The following SLC25A46 variants were observed in gnomAD, a reference collection of about 807,000 sequenced individuals.
The protein encoded by SLC25A46 is mitochondrial outer membrane protein SLC25A46.
In SLC25A46, 39 loss-of-function variants were observed where a neutral mutation model predicts 44.6. That is an observed-to-expected ratio of 0.87 (90% CI 0.68 to 1.14). The LOEUF (loss-of-function observed/expected upper bound fraction) is 1.14. SLC25A46 is among the 50% of genes most tolerant of loss of function. The pLI, the probability that SLC25A46 is intolerant of heterozygous loss-of-function variation, is 0.00. For missense variants in SLC25A46, 547 were observed against 522.7 expected (o/e 1.05, Z -0.45); for synonymous variants, 202 against 185.8 (o/e 1.09, Z -0.71).
chr5:110,752,749 T>C (rs1175978309), intron 5 of SLC25A46, among the ~76,000 whole-genome samples: 2 of 152,214 alleles, frequency 1.3e-5, no homozygotes, highest in African/African-American at 4.8e-5. Context: ...TTTTCAGATC[T>C]TTTATCATAT....
In SLC25A46 at chr5:110,739,380, C is replaced by T. The variant is rs955762085; in HGVS notation, c.261C>T (p.Gly87=). 1.3e-6 allele frequency: 2 copies of T among 1,548,898 alleles called. No homozygotes were observed. Among genetic ancestry groups the T allele is most frequent in the African/African-American group, 1.4e-5 (1 of 73,784 alleles). Reference sequence around the variant, plus strand: ...AACCCTTTTCCAGTGGCGGCGGCGGCAGTGTGCAGGGGCAGAGCAGTGGTG... The same window carrying T: ...AACCCTTTTCCAGTGGCGGCGGCGGTAGTGTGCAGGGGCAGAGCAGTGGTG... The part of the protein sequence containing the change: ...TEEPFSSGGG[G]SVQGQSSEQL... The change falls in exon 1 of 8, where the codon GGC becomes GGT. Residue 87 remains glycine (G), a synonymous_variant. Transcript: ENST00000355943.
rs754919308 is a variant in SLC25A46, at chr5:110,764,012, T to C, written c.*2230T>C. ...TCGTTCCCTTTTAAAAATTGTTATT[T>C]TTCTTTAACATGGGTGCCAAATCAA... On this transcript the variant is annotated 3_prime_UTR_variant, in exon 8 of 8. Transcript: ENST00000355943. 8 of 151,828 alleles carry C rather than the reference T, an allele frequency of 5.3e-5. No homozygotes were observed. Among genetic ancestry groups the C allele is most frequent in the Non-Finnish European group, 1.0e-4 (7 of 67,840 alleles). The allele number at this position is 151,828 out of a possible 1,614,324, so 9.4% of individuals were successfully genotyped here.
At position 110,763,707 on chromosome 5, in the gene SLC25A46, A is replaced by C. The variant is rs1001259232; in HGVS notation, c.*1925A>C. The C allele has an allele frequency of 6.6e-6, 1 of 151,914 alleles. No homozygotes were observed. Among genetic ancestry groups the C allele is most frequent in the Non-Finnish European group, 1.5e-5 (1 of 67,878 alleles). The allele number at this position is 151,914 out of a possible 1,614,324, so 9.4% of individuals were successfully genotyped here. Reference sequence around the variant, plus strand: ...AGGATATTTTTTGGAAGTTAGCATGAAAATAGTTAGTTACATAAATTCATT... The same window carrying C: ...AGGATATTTTTTGGAAGTTAGCATGCAAATAGTTAGTTACATAAATTCATT... On this transcript the variant is annotated 3_prime_UTR_variant, in exon 8 of 8. Coordinates refer to ENST00000355943, the MANE Select transcript of SLC25A46 (RefSeq NM_138773.4).
At chr5:110,741,347 C>A (rs1459272579) in intron 1 of SLC25A46, among the ~76,000 whole-genome samples, 3 of 152,142 alleles carry the variant, frequency 2.0e-5, no homozygotes, top group Non-Finnish European at 4.4e-5. Context: ...TATCCAGTAA[C>A]CTACTCCAAT....
intron 4 of SLC25A46, among the ~76,000 whole-genome samples, chr5:110,747,148 A>G (rs542192226): frequency 7.9e-5 from 12 of 152,342 alleles, no homozygotes; most frequent in South Asian, 2.1e-4. Context: ...GCACATATAT[A>G]TGCAAAAATA....
chr5:110,759,123 G>C (rs377298486), intron 7 of SLC25A46, among the ~76,000 whole-genome samples: 3 of 152,046 alleles, frequency 2.0e-5, no homozygotes, highest in African/African-American at 7.2e-5. Flanking sequence ...AAAATGCTCT[G>C]TTCTCATAGC....
At chr5:110,740,367 G>C (rs1381663728) in intron 1 of SLC25A46, among the ~76,000 whole-genome samples, 1 of 152,108 alleles carries the variant, frequency 6.6e-6, no homozygotes, top group East Asian at 1.9e-4. Context: ...AATGTCTAGT[G>C]AGTAAATGAG....
chr5:110,752,347 G>A (rs1799986632), intron 5 of SLC25A46, among the ~76,000 whole-genome samples: 1 of 152,068 alleles, frequency 6.6e-6, no homozygotes, highest in Non-Finnish European at 1.5e-5. Flanking sequence ...CTCTCTCCCA[G>A]TTGCAGTGAG....
chr5:110,748,283 T>G lies in SLC25A46; in HGVS notation c.563+20T>G. 6.3e-7 allele frequency: 1 copy of G among 1,592,914 alleles called. No individual in the cohort carries two copies. The highest frequency in any genetic ancestry group is 8.6e-7 in the Non-Finnish European group (1 of 1,161,042). The stretch of plus-strand genomic sequence containing the variant: ...GCCAAGGTACCATTTTTAGCATTTC[T>G]TCAGTATTAGTTTCATGTGGTGATG... On this transcript the variant is annotated intron_variant, in intron 5 of 7. Transcript: ENST00000355943.
chr5:110,761,416 C>T lies in SLC25A46; in HGVS notation c.891C>T (p.Ser297=). The T allele has an allele frequency of 6.2e-7, 1 of 1,613,672 alleles. No homozygotes were observed. The highest frequency in any genetic ancestry group is 8.5e-7 in the Non-Finnish European group (1 of 1,179,774). ...TTCTAAAGAGAAAGACTTACAATAGCCACCTAGCTGAGAGCACTAGCCCTG... is the reference window on the plus strand; with the variant it reads ...TTCTAAAGAGAAAGACTTACAATAGTCACCTAGCTGAGAGCACTAGCCCTG... ...LLILKRKTYN[S]HLAESTSPVQ... The change falls in exon 8 of 8, where the codon AGC becomes AGT. Residue 297 remains serine (S), a synonymous_variant. Transcript: ENST00000355943. The surrounding 1 kb of genome is among the most constrained non-coding windows in gnomAD (Gnocchi z 5.3).
rs1166304651 is a variant in SLC25A46, at chr5:110,764,671, A to G, written c.*2889A>G. On this transcript the variant is annotated 3_prime_UTR_variant, in exon 8 of 8. Coordinates refer to ENST00000355943, the MANE Select transcript of SLC25A46 (RefSeq NM_138773.4). ...AAGTATTAGTACATCTGTTCAGGAA[A>G]TGGAAAAAAAAAATGCTGCTTAAAT... The G allele has an allele frequency of 6.6e-6, 1 of 151,294 alleles. No individual in the cohort carries two copies. Among genetic ancestry groups the G allele is most frequent in the African/African-American group, 2.5e-5 (1 of 40,790 alleles). 9.4% of individuals were successfully genotyped at this position (151,294 alleles called of 1,614,324 possible). A position where few individuals can be genotyped will look rare whatever the true frequency, so the allele number is the denominator to read the frequency against.
intron 3 of SLC25A46, among the ~76,000 whole-genome samples, 174 bp downstream of exon 3, chr5:110,743,961 CTT>C (rs1799751978): frequency 1.3e-5 from 2 of 152,030 alleles, no homozygotes; most frequent in Non-Finnish European, 2.9e-5. Context: ...TCCTAAATAA[CTT>C]TGGTTTATGT....
At chr5:110,746,182 C>A in intron 3 of SLC25A46, 87 bp from the exon 4 acceptor site, 1 of 1,050,140 alleles carries the variant, frequency 9.5e-7, no homozygotes, top group Non-Finnish European at 1.4e-6. Context: ...TTTGTTTATA[C>A]TGCAATTCCA....
At chr5:110,753,670 G>A (rs1020071332) in intron 5 of SLC25A46, 1 of 152,062 alleles carries the variant, frequency 6.6e-6, no homozygotes, top group African/African-American at 2.4e-5. Flanking sequence ...AAGTAGTAGA[G>A]AACAGATACA....
intron 5 of SLC25A46, 101 bp from the exon 6 acceptor site, chr5:110,755,364 A>T: frequency 1.4e-6 from 1 of 705,692 alleles, no homozygotes; most frequent in Non-Finnish European, 2.4e-6. Context: ...CTACAGATTG[A>T]AAAAAATTAG....
chr5:110,752,287 C>T (rs111410831), intron 5 of SLC25A46, among the ~76,000 whole-genome samples: 2,474 of 152,220 alleles, frequency 0.016, 64 homozygotes, highest in African/African-American at 0.057. Context: ...TAGCCAGGAT[C>T]GTCATGTGTG....
At position 110,764,962 on chromosome 5, in the gene SLC25A46, T is replaced by C. The variant is rs921058326; in HGVS notation, c.*3180T>C. On this transcript the variant is annotated 3_prime_UTR_variant, in exon 8 of 8. Coordinates refer to ENST00000355943, the MANE Select transcript of SLC25A46 (RefSeq NM_138773.4). ...TGCATAATGTCTTACTCTTGAGTCATTTAGTATCATTGATATGGTACCAAG... is the reference window on the plus strand; with the variant it reads ...TGCATAATGTCTTACTCTTGAGTCACTTAGTATCATTGATATGGTACCAAG... 1 of 151,946 alleles carries C rather than the reference T, an allele frequency of 6.6e-6. No homozygotes were observed. Among genetic ancestry groups the C allele is most frequent in the Non-Finnish European group, 1.5e-5 (1 of 67,930 alleles). The allele number at this position is 151,946 out of a possible 1,614,324, so 9.4% of individuals were successfully genotyped here.
chr5:110,754,311 G>GTTTTTTTTTT (rs11446872), intron 5 of SLC25A46: 1 of 143,154 alleles, frequency 7.0e-6, no homozygotes. Flanking sequence ...TTCCCTTTCT[G>GTTTTTTTTTT]TTTTTTTTTT....
intron 1 of SLC25A46, among the ~76,000 whole-genome samples, chr5:110,740,670 G>T (rs559511751): frequency 1.2e-4 from 19 of 152,186 alleles, no homozygotes; most frequent in African/African-American, 4.3e-4. Flanking sequence ...AAATGGGTAA[G>T]GCCGGGCGTG....
Sources: allele counts gnomAD v4.1 joint callset (sites outside exome capture counted in the v4.1 genomes callset), GRCh38; gene constraint gnomAD v4.1.1; non-coding constraint Gnocchi (gnomAD v3.1); transcripts MANE v1.5; gene names NCBI Gene and HGNC (gene_info 2026-07-23, HGNC 2026-07-21).